Variants in AFF2 observed in about 807,000 individuals in gnomAD.
AFF2 encodes AF4/FMR2 family member 2.
AFF2 carries 14 observed loss-of-function variants against 76.9 expected under a neutral mutation model. The observed-to-expected ratio is 0.18, with a 90% CI of 0.12 to 0.28. The LOEUF is 0.28. Among genes scored for constraint, AFF2 ranks in the 10% least tolerant of loss-of-function variants. AFF2 has a pLI of 1.00. For synonymous variants in AFF2, 398 were observed against 366.7 expected (o/e 1.09, Z -0.98); for missense variants, 868 against 1,001.1 (o/e 0.87, Z 1.79).
At chrX:148,752,078 G>A (rs1336839028) in intron 3 of AFF2, among the ~76,000 whole-genome samples, 2 of 111,064 alleles carry the variant, frequency 1.8e-5, no homozygotes, top group Non-Finnish European at 3.8e-5. Context: ...TGAAGGAGGA[G>A]CCCTCATGAC....
At chrX:148,508,713 G>A (rs138501190) in intron 1 of AFF2, among the ~76,000 whole-genome samples, 3 of 111,868 alleles carry the variant, frequency 2.7e-5, no homozygotes, top group Admixed American at 1.9e-4. Flanking sequence ...ATGCCAGGTC[G>A]GCACAACCAC....
intron 5 of AFF2, among the ~76,000 whole-genome samples, chrX:148,840,992 T>A (rs1189846006): frequency 8.9e-6 from 1 of 112,600 alleles, no homozygotes; most frequent in Non-Finnish European, 1.9e-5. Context: ...AAATATCAGT[T>A]ACTCCAATTC....
intron 3 of AFF2, among the ~76,000 whole-genome samples, chrX:148,789,790 C>A (rs782122159): frequency 9.0e-6 from 1 of 111,632 alleles, no homozygotes; most frequent in Non-Finnish European, 1.9e-5. Flanking sequence ...CATTGTTAAT[C>A]GGTATAATCA....
At chrX:148,831,225 C>T (rs189190681) in intron 4 of AFF2, among the ~76,000 whole-genome samples, 164 of 111,553 alleles carry the variant, frequency 1.5e-3, no homozygotes, top group African/African-American at 5.1e-3. Flanking sequence ...GCTCAGTTAA[C>T]GCAATCATCA....
chrX:148,732,605 G>A (rs1478561077), intron 3 of AFF2, among the ~76,000 whole-genome samples: 2 of 89,697 alleles, frequency 2.2e-5, no homozygotes, highest in Non-Finnish European at 4.3e-5. Context: ...AGAAATACAA[G>A]CAGATGAAAA....
At chrX:148,819,966 G>A (rs1032927790) in intron 4 of AFF2, among the ~76,000 whole-genome samples, 11 of 111,195 alleles carry the variant, frequency 9.9e-5, no homozygotes, top group African/African-American at 3.3e-4. Context: ...TGACTCTCCA[G>A]TCTCTTCTAC....
intron 7 of AFF2, among the ~76,000 whole-genome samples, chrX:148,869,606 C>T (rs2070947826): frequency 9.0e-6 from 1 of 111,573 alleles, no homozygotes; most frequent in African/African-American, 3.3e-5. Flanking sequence ...ATTGCCTCAG[C>T]CCACCCATTT....
chrX:148,555,172 C>G (rs2053038778), intron 1 of AFF2, among the ~76,000 whole-genome samples: 1 of 111,999 alleles, frequency 8.9e-6, no homozygotes, highest in Admixed American at 9.5e-5. Flanking sequence ...CTCCTGGCCC[C>G]TGACACTCAC....
At chrX:148,674,114 C>T (rs1210361512) in intron 3 of AFF2, among the ~76,000 whole-genome samples, 1 of 112,147 alleles carries the variant, frequency 8.9e-6, no homozygotes, top group Admixed American at 9.4e-5. Flanking sequence ...AAAGACAGTA[C>T]ATAAATGAAT....
chrX:148,748,347 C>G (rs895922133), intron 3 of AFF2, among the ~76,000 whole-genome samples: 43 of 111,724 alleles, frequency 3.8e-4, no homozygotes, highest in African/African-American at 1.3e-3. Flanking sequence ...GGGGAAAATA[C>G]TGAGGTTTTT....
At chrX:148,763,451 A>G (rs1465113008) in intron 3 of AFF2, among the ~76,000 whole-genome samples, 1 of 110,162 alleles carries the variant, frequency 9.1e-6, no homozygotes, top group African/African-American at 3.3e-5. Flanking sequence ...TGCAGGGGTA[A>G]TTTCTTATCT....
At chrX:148,748,544 C>T (rs1228864668) in intron 3 of AFF2, among the ~76,000 whole-genome samples, 1 of 111,493 alleles carries the variant, frequency 9.0e-6, no homozygotes, top group Non-Finnish European at 1.9e-5. Context: ...GAGTGTCAGC[C>T]CATAAAAGCA....
chrX:148,741,559 C>G (rs193196386), intron 3 of AFF2, among the ~76,000 whole-genome samples: 9 of 111,133 alleles, frequency 8.1e-5, no homozygotes, highest in Non-Finnish European at 1.3e-4. Flanking sequence ...CCGAGGCTTT[C>G]CTCCTCTCAG....
chrX:148,729,661 A>C (rs1398461639), intron 3 of AFF2, among the ~76,000 whole-genome samples: 2 of 111,890 alleles, frequency 1.8e-5, no homozygotes, highest in African/African-American at 6.5e-5. Context: ...GTTAGGAGCT[A>C]TAACAATAGT....
intron 9 of AFF2, among the ~76,000 whole-genome samples, chrX:148,951,165 GCACA>G (rs781825506): frequency 0.1 from 4,004 of 39,094 alleles, 183 homozygotes; most frequent in African/African-American, 0.22. Flanking sequence ...ACACATACAC[GCACA>G]CACACACACA....
At chrX:148,872,699 G>A (rs1294962865) in intron 7 of AFF2, among the ~76,000 whole-genome samples, 5 of 112,008 alleles carry the variant, frequency 4.5e-5, no homozygotes, top group South Asian at 3.7e-4. Flanking sequence ...TGTTTCTCAC[G>A]TAAGTGGTGG....
intron 1 of AFF2, among the ~76,000 whole-genome samples, chrX:148,538,750 A>G (rs782110343): frequency 2.2e-4 from 25 of 112,121 alleles, no homozygotes; most frequent in Non-Finnish European, 4.3e-4. Context: ...TAAAGTGAAG[A>G]CAATCCCCGT....
chrX:148,676,057 AT>A (rs59875267), intron 3 of AFF2, among the ~76,000 whole-genome samples: 3,919 of 91,380 alleles, frequency 0.043, 130 homozygotes, highest in African/African-American at 0.14. Context: ...ATGAATTGTG[AT>A]TTTTTTTTTT....
rs1188502570 is a variant in AFF2 at position 148,843,408 on chromosome X, T to C, written c.1237T>C (p.Ser413Pro). ...QKWNDPTTRA[S>P]TKSVSFKSML... ...GTGGAATGACCCAACCACCAGAGCTTCTACAAAGTCAGTGTCTTTCAAATC... is the reference window on the plus strand; with the variant it reads ...GTGGAATGACCCAACCACCAGAGCTCCTACAAAGTCAGTGTCTTTCAAATC... The change falls in exon 7 of 21, where the codon TCT becomes CCT. Residue 413 changes from serine to proline, a missense_variant. Coordinates refer to ENST00000370460, the MANE Select transcript of AFF2 (RefSeq NM_002025.4). The C allele has an allele frequency of 3.3e-6, 4 of 1,207,790 alleles. No homozygotes were observed. Among genetic ancestry groups the C allele is most frequent in the Non-Finnish European group, 4.5e-6 (4 of 894,084 alleles).
Sources: allele counts gnomAD v4.1 joint callset (sites outside exome capture counted in the v4.1 genomes callset), GRCh38; gene constraint gnomAD v4.1.1; transcripts MANE v1.5; gene names NCBI Gene and HGNC (gene_info 2026-07-23, HGNC 2026-07-21).